NLRP9: variants seen among roughly 807,000 people sequenced by gnomAD.
NLRP9 encodes the protein NACHT, LRR and PYD domains-containing protein 9.
In NLRP9, 88 loss-of-function variants were observed where a neutral mutation model predicts 83.1. The ratio of observed to expected loss-of-function variants is 1.06; its 90% confidence interval spans 0.89 to 1.26. NLRP9 has a LOEUF of 1.26. Ranked by LOEUF, NLRP9 falls within the 50% of genes most tolerant of loss-of-function variation. NLRP9 has a pLI of 0.00. For missense variants in NLRP9, 1,308 were observed against 1,179.3 expected (o/e 1.11, Z -1.60); for synonymous variants, 521 against 447.6 (o/e 1.16, Z -2.07).
In NLRP9 at chr19:55,708,749, C is replaced by T. The variant is rs565893705; in HGVS notation, c.*163G>A. ...GAGGCAAAGACAATCAGCATGTACA[C>T]TGAATCACACTCCATAATCATATTG... is the stretch of plus-strand genomic sequence containing the variant. On this transcript the variant is annotated 3_prime_UTR_variant, in exon 9 of 9. Transcript: ENST00000332836. 65 of 511,304 alleles carry T rather than the reference C, an allele frequency of 1.3e-4. No homozygotes were observed. The highest frequency in any genetic ancestry group is 1.2e-3 in the African/African-American group (60 of 50,918). The allele number at this position is 511,304 out of a possible 1,614,324, so 31.7% of individuals were successfully genotyped here.
chr19:55,715,725 A>G lies in NLRP9; in HGVS notation c.2331-500T>C, dbSNP rs573298221. 4.2e-4 allele frequency among the ~76,000 whole-genome samples: 64 copies of G among 151,958 alleles called. 1 individual carries two copies. The South Asian group carries it at 0.013, about 32-fold the overall frequency. Reference sequence around the variant, plus strand: ...GGATTAAAACTTGTAACACCTACAGATGTACAGAAAGATGAATGTGGAATA... The same window carrying G: ...GGATTAAAACTTGTAACACCTACAGGTGTACAGAAAGATGAATGTGGAATA... On this transcript the variant is annotated intron_variant, in intron 5 of 8. Coordinates refer to ENST00000332836, the MANE Select transcript of NLRP9 (RefSeq NM_176820.4).
intron 8 of NLRP9, among the ~76,000 whole-genome samples, chr19:55,711,108 CAAAAA>C (rs568342962): frequency 6.9e-6 from 1 of 144,760 alleles, no homozygotes. Context: ...CAAAACAAAA[CAAAAA>C]AAAAACCTTA....
At chr19:55,733,809 G>T (rs543270036) in intron 1 of NLRP9, among the ~76,000 whole-genome samples, 1 of 151,910 alleles carries the variant, frequency 6.6e-6, no homozygotes, top group African/African-American at 2.4e-5. Context: ...CTCTCTGAAG[G>T]TCTCCTGTGC....
At chr19:55,725,753 G>A (rs1341842026) in intron 3 of NLRP9, among the ~76,000 whole-genome samples, 4 of 152,250 alleles carry the variant, frequency 2.6e-5, no homozygotes, top group East Asian at 1.9e-4. Context: ...CAGGCCGGGC[G>A]CGGTGGCTCC....
chr19:55,711,310 AT>A (rs987127656), intron 8 of NLRP9: 6 of 944,430 alleles, frequency 6.4e-6, no homozygotes, highest in Non-Finnish European at 7.7e-6. Context: ...AACATAAAAA[AT>A]TCATCCTACA....
At chr19:55,713,132 C>T (rs1987834250) in intron 6 of NLRP9, among the ~76,000 whole-genome samples, 1 of 150,968 alleles carries the variant, frequency 6.6e-6, no homozygotes, top group Non-Finnish European at 1.5e-5. Context: ...AATGCTCCTG[C>T]CCCAATTATC....
chr19:55,723,817 G>A (rs544895469), intron 4 of NLRP9, among the ~76,000 whole-genome samples, 163 bp downstream of exon 4: 22 of 151,940 alleles, frequency 1.4e-4, no homozygotes, highest in South Asian at 4.2e-4. Flanking sequence ...GGCCTTGCCC[G>A]GCAGAATCTA....
chr19:55,732,260 G>GT lies in NLRP9; in HGVS notation c.1570dup (p.Thr524AsnfsTer5), dbSNP rs1568603448. 6.2e-7 allele frequency: 1 copy of GT among 1,614,046 alleles called. No individual in the cohort carries two copies. Among genetic ancestry groups the GT allele is most frequent in the South Asian group, 1.1e-5 (1 of 91,076 alleles). ...TTGACTTAAACTTTCAAGGCATTGG[G>GT]TTATTTCCTGCTTTAGGTCTTTTGA... On this transcript the variant is annotated frameshift_variant, in exon 2 of 9. Coordinates refer to ENST00000332836, the MANE Select transcript of NLRP9 (RefSeq NM_176820.4). LOFTEE classifies it high-confidence loss of function.
At position 55,733,308 on chromosome 19, in the gene NLRP9, A is replaced by T; in HGVS notation, c.523T>A (p.Trp175Arg). Reference sequence around the variant, plus strand: ...AACACAAATGTGAACCTGTCCTTCCATAAGTTTCCCTCTGCCCAGTCCAAC... The same window carrying T: ...AACACAAATGTGAACCTGTCCTTCCTTAAGTTTCCCTCTGCCCAGTCCAAC... Reference protein sequence around the residue: ...VMLDWAEGNLWKDRFTFVFFL... With the variant: ...VMLDWAEGNLRKDRFTFVFFL... Residue 175 changes from tryptophan to arginine, a missense_variant, in exon 2 of 9, where the codon TGG becomes AGG. By Grantham distance (101) the Trp-to-Arg change is moderately radical. Coordinates refer to ENST00000332836, the MANE Select transcript of NLRP9 (RefSeq NM_176820.4). The T allele has an allele frequency of 6.2e-7, 1 of 1,614,112 alleles. No individual in the cohort carries two copies. The highest frequency in any genetic ancestry group is 8.5e-7 in the Non-Finnish European group (1 of 1,179,944).
At position 55,732,478 on chromosome 19, in the gene NLRP9, A is replaced by C; in HGVS notation, c.1353T>G (p.Phe451Leu). ...TGAGCAAATAAAACATGGCGGCACA[A>C]AACTCTTGGATACACAGATGCATGA... ...FAFMHLCIQE[F>L]CAAMFYLLKR... is the part of the protein sequence containing the mutation. Residue 451 changes from phenylalanine to leucine, a missense_variant, in exon 2 of 9, where the codon TTT becomes TTG. Coordinates refer to ENST00000332836, the MANE Select transcript of NLRP9 (RefSeq NM_176820.4). 1.2e-6 allele frequency: 2 copies of C among 1,614,196 alleles called. No individual in the cohort carries two copies. The highest frequency in any genetic ancestry group is 1.7e-6 in the Non-Finnish European group (2 of 1,180,024).
chr19:55,731,920 G>A (rs1433442546), intron 2 of NLRP9, 79 bp downstream of exon 2: 2 of 875,682 alleles, frequency 2.3e-6, no homozygotes, highest in Middle Eastern at 2.3e-4. Flanking sequence ...AGTGGCATAA[G>A]GCCCATGAAA....
chr19:55,727,426 T>C (rs901587494), intron 3 of NLRP9, among the ~76,000 whole-genome samples: 1 of 152,180 alleles, frequency 6.6e-6, no homozygotes, highest in Non-Finnish European at 1.5e-5. Context: ...ATTGACCTCA[T>C]GTGAAAATCA....
chr19:55,714,727 T>C (rs1174485180), intron 6 of NLRP9, among the ~76,000 whole-genome samples: 1 of 152,030 alleles, frequency 6.6e-6, no homozygotes, highest in Non-Finnish European at 1.5e-5. Context: ...AAGTCCAAGA[T>C]CAAGATGCCA....
At chr19:55,719,314 G>A (rs746438929) in intron 4 of NLRP9, among the ~76,000 whole-genome samples, 19 of 152,102 alleles carry the variant, frequency 1.2e-4, no homozygotes, top group Non-Finnish European at 2.4e-4. Context: ...CACCACACCC[G>A]GCTAATTTTT....
At chr19:55,734,082 A>C (rs1988704518) in intron 1 of NLRP9, among the ~76,000 whole-genome samples, 1 of 151,586 alleles carries the variant, frequency 6.6e-6, no homozygotes, top group South Asian at 2.1e-4. Context: ...GCCACTACGC[A>C]TGGTTAAGTT....
At chr19:55,729,574 T>C (rs562866469) in intron 3 of NLRP9, among the ~76,000 whole-genome samples, 17 of 152,212 alleles carry the variant, frequency 1.1e-4, no homozygotes, top group African/African-American at 4.1e-4. Flanking sequence ...CTCATGCTTT[T>C]TTATGGCTGC....
intron 2 of NLRP9, among the ~76,000 whole-genome samples, chr19:55,731,251 G>A (rs1484388658): frequency 6.6e-6 from 1 of 151,926 alleles, no homozygotes; most frequent in Non-Finnish European, 1.5e-5. Context: ...AAAATGCAGA[G>A]GAAACAAGGC....
intron 2 of NLRP9, 33 bp from the exon 3 acceptor site, chr19:55,730,025 G>A (rs1460178889): frequency 2.5e-6 from 4 of 1,588,488 alleles, no homozygotes; most frequent in Non-Finnish European, 2.6e-6. Flanking sequence ...ATTCTCCAGT[G>A]GCTAAACTCA....
intron 4 of NLRP9, among the ~76,000 whole-genome samples, chr19:55,721,821 G>C (rs917437718): frequency 1.3e-5 from 2 of 152,180 alleles, no homozygotes; most frequent in Non-Finnish European, 2.9e-5. Flanking sequence ...TTATAAAGGG[G>C]AGTTTCCCTG....
Sources: allele counts gnomAD v4.1 joint callset (sites outside exome capture counted in the v4.1 genomes callset), GRCh38; gene constraint gnomAD v4.1.1; transcripts MANE v1.5; gene names NCBI Gene and HGNC (gene_info 2026-07-23, HGNC 2026-07-21).